CD96: variants seen among roughly 807,000 people sequenced by gnomAD.
CD96 encodes T-cell surface protein tactile.
A neutral mutation model predicts 71.3 loss-of-function variants in CD96; 70 were observed. That is an observed-to-expected ratio of 0.98 (90% CI 0.81 to 1.20). The LOEUF (loss-of-function observed/expected upper bound fraction) is 1.20, where lower values mean the gene tolerates loss of function less well. Ranked by LOEUF, CD96 falls within the 50% of genes most tolerant of loss-of-function variation. CD96 has a pLI of 0.00. For synonymous variants in CD96, 248 were observed against 233.0 expected (o/e 1.06, Z -0.59); for missense variants, 742 against 677.5 (o/e 1.10, Z -1.06).
chr3:111,610,722 G>A (rs962170591), intron 8 of CD96, among the ~76,000 whole-genome samples: 3 of 152,204 alleles, frequency 2.0e-5, no homozygotes, highest in Non-Finnish European at 2.9e-5. Flanking sequence ...GGCAAGATGA[G>A]ACAAGTCCAT....
At chr3:111,649,251 C>G (rs545080479) in intron 13 of CD96, among the ~76,000 whole-genome samples, 1 of 152,298 alleles carries the variant, frequency 6.6e-6, no homozygotes, top group African/African-American at 2.4e-5. Context: ...AGTATCAGTT[C>G]TGGTGAAAAG....
intron 12 of CD96, among the ~76,000 whole-genome samples, chr3:111,641,309 T>C (rs1277579393): frequency 1.3e-5 from 2 of 152,228 alleles, no homozygotes; most frequent in Non-Finnish European, 2.9e-5. Flanking sequence ...AAAAAGGCAT[T>C]TCATGCCAAT....
chr3:111,546,575 A>C (rs1409395080), intron 2 of CD96, among the ~76,000 whole-genome samples: 2 of 152,152 alleles, frequency 1.3e-5, no homozygotes, highest in African/African-American at 2.4e-5. Context: ...AAAGTAAATG[A>C]TTTTCATTTC....
intron 2 of CD96, among the ~76,000 whole-genome samples, chr3:111,561,193 CCTT>C (rs1450959810): frequency 1.4e-5 from 2 of 143,432 alleles, no homozygotes; most frequent in African/African-American, 5.2e-5. Flanking sequence ...TCGTCTGAAG[CCTT>C]CTTCTCTCAG....
chr3:111,611,789 G>T (rs1937953837), intron 8 of CD96, among the ~76,000 whole-genome samples: 6 of 152,188 alleles, frequency 3.9e-5, no homozygotes, highest in Admixed American at 3.9e-4. Context: ...ATGAGTGCAG[G>T]ACATGAGAAG....
intron 5 of CD96, among the ~76,000 whole-genome samples, chr3:111,587,078 A>G (rs1936748364): frequency 6.6e-6 from 1 of 152,286 alleles, no homozygotes; most frequent in Non-Finnish European, 1.5e-5. Context: ...AAATACAGCC[A>G]TTCCAAATGG....
At chr3:111,611,580 C>T (rs956340453) in intron 8 of CD96, among the ~76,000 whole-genome samples, 1 of 152,040 alleles carries the variant, frequency 6.6e-6, no homozygotes, top group African/African-American at 2.4e-5. Flanking sequence ...TCAGGTGCCT[C>T]AATTGCTGTC....
intron 8 of CD96, among the ~76,000 whole-genome samples, chr3:111,608,582 A>G (rs1937746608): frequency 6.6e-6 from 1 of 152,204 alleles, no homozygotes; most frequent in Admixed American, 6.5e-5. Flanking sequence ...GTGATCACAT[A>G]CCTAGTAAGT....
chr3:111,631,271 T>G (rs967863226), intron 10 of CD96, among the ~76,000 whole-genome samples: 1 of 152,198 alleles, frequency 6.6e-6, no homozygotes, highest in Non-Finnish European at 1.5e-5. Flanking sequence ...CCAAAACTTC[T>G]TAAGCTGATA....
intron 10 of CD96, chr3:111,634,860 A>G (rs961659118): frequency 6.6e-6 from 1 of 151,956 alleles, no homozygotes; most frequent in African/African-American, 2.4e-5. Context: ...GCGCCATTGC[A>G]CTCCAACCTG....
In CD96 at chr3:111,651,308, T is replaced by A. The variant is rs1940065040; in HGVS notation, c.*1502T>A. ...TTATGTGGTCCCCTCCAATGCTGAATACAGATGATTTGTGTAACCTGAGGC... is the reference window on the plus strand; with the variant it reads ...TTATGTGGTCCCCTCCAATGCTGAAAACAGATGATTTGTGTAACCTGAGGC... On this transcript the variant is annotated 3_prime_UTR_variant, in exon 14 of 14. Coordinates refer to ENST00000352690, the MANE Select transcript of CD96 (RefSeq NM_005816.5). 6.6e-6 allele frequency: 1 copy of A among 152,202 alleles called. No individual in the cohort carries two copies. Among genetic ancestry groups the A allele is most frequent in the Admixed American group, 6.5e-5 (1 of 15,284 alleles). 9.4% of individuals were successfully genotyped at this position (152,202 alleles called of 1,614,324 possible).
intron 7 of CD96, among the ~76,000 whole-genome samples, chr3:111,602,082 G>T (rs2107653231): frequency 6.6e-6 from 1 of 152,252 alleles, no homozygotes; most frequent in South Asian, 2.1e-4. Context: ...ATTCCCTCAG[G>T]AATAAGTCAG....
At chr3:111,585,483 C>T in intron 5 of CD96, 105 bp downstream of exon 5, 2 of 752,318 alleles carry the variant, frequency 2.7e-6, no homozygotes, top group Non-Finnish European at 4.8e-6. Context: ...CTCCTTGGCC[C>T]TTGACCAATT....
chr3:111,664,408 C>A lies in CD96; in HGVS notation c.*53-1119C>A, dbSNP rs537330768. 5.3e-5 allele frequency among the ~76,000 whole-genome samples: 8 copies of A among 151,534 alleles called. No individual in the cohort carries two copies. In the South Asian group the frequency reaches 1.7e-3, roughly 32 times the overall value. ...AATCCTAAGTGAAGTAATGCAGGAACAGGAAAAAAAAATACCACGTGTTCT... is the reference window on the plus strand; with the variant it reads ...AATCCTAAGTGAAGTAATGCAGGAAAAGGAAAAAAAAATACCACGTGTTCT... On this transcript the variant is annotated intron_variant and NMD_transcript_variant, in intron 14 of 14. Transcript: ENST00000494798.
chr3:111,637,105 CCT>C (rs1939365206), intron 10 of CD96, 89 bp from the exon 11 acceptor site: 1 of 753,478 alleles, frequency 1.3e-6, no homozygotes, highest in East Asian at 2.7e-5. Context: ...TCATTAATAT[CCT>C]TTTTTATAAT....
chr3:111,630,354 C>A (rs1043225639), intron 10 of CD96, among the ~76,000 whole-genome samples: 1 of 152,108 alleles, frequency 6.6e-6, no homozygotes, highest in Non-Finnish European at 1.5e-5. Context: ...GAAATACAAA[C>A]AATCGTTAGA....
chr3:111,603,591 T>C (rs1937548589), intron 7 of CD96, among the ~76,000 whole-genome samples: 3 of 152,238 alleles, frequency 2.0e-5, no homozygotes, highest in African/African-American at 4.8e-5. Context: ...CTTGTTTTAA[T>C]GCAAAAGTTG....
At position 111,624,370 on chromosome 3, in the gene CD96, T is replaced by C. The variant is rs1453481998; in HGVS notation, c.1287T>C (p.Tyr429=). 1.9e-6 allele frequency: 3 copies of C among 1,612,050 alleles called. No homozygotes were observed. Among genetic ancestry groups the C allele is most frequent in the African/African-American group, 2.7e-5 (2 of 74,894 alleles). ...GTATGACTACCCGAGGCTTCAACTATCCCTGGACCTCCAGTGGGACAGATA... is the reference window on the plus strand; with the variant it reads ...GTATGACTACCCGAGGCTTCAACTACCCCTGGACCTCCAGTGGGACAGATA... ...NSSMTTRGFN[Y]PWTSSGTDTK... Residue 429 remains tyrosine, a synonymous_variant, in exon 10 of 14, where the codon TAT becomes TAC. Coordinates refer to ENST00000352690, the MANE Select transcript of CD96 (RefSeq NM_005816.5).
intron 12 of CD96, among the ~76,000 whole-genome samples, chr3:111,644,294 T>C (rs1939727095): frequency 6.6e-6 from 1 of 152,008 alleles, no homozygotes; most frequent in African/African-American, 2.4e-5. Flanking sequence ...TGGATCCTCA[T>C]CTTATACAAA....
Sources: allele counts gnomAD v4.1 joint callset (sites outside exome capture counted in the v4.1 genomes callset), GRCh38; gene constraint gnomAD v4.1.1; transcripts MANE v1.5; gene names NCBI Gene and HGNC (gene_info 2026-07-23, HGNC 2026-07-21).